Variants in COL26A1 observed in about 807,000 individuals in gnomAD.
The protein encoded by COL26A1 is collagen type XXVI alpha 1 chain, also known as collagen alpha-1(XXVI) chain.
Under a neutral mutation model 59.3 loss-of-function variants are expected in COL26A1, and 41 were observed. The observed-to-expected ratio is 0.69, with a 90% CI of 0.54 to 0.90. The LOEUF is 0.90. Ranked by LOEUF, COL26A1 falls within the 40% of genes least tolerant of loss-of-function variation. COL26A1 has a pLI of 0.00. For missense variants in COL26A1, 612 were observed against 602.3 expected, an observed-to-expected ratio of 1.02 and a Z score of -0.17; for synonymous variants, 266 against 256.0, an observed-to-expected ratio of 1.04 and a Z score of -0.37.
At chr7:101,547,291 G>C (rs1795758525) in intron 8 of COL26A1, 52 bp downstream of exon 8, 1 of 1,352,894 alleles carries the variant, frequency 7.4e-7, no homozygotes, top group African/African-American at 1.5e-5. Flanking sequence ...CCCCAGGGCT[G>C]GCCTGAGCCA....
chr7:101,373,295 C>T (rs909009926), intron 1 of COL26A1, among the ~76,000 whole-genome samples: 5 of 152,200 alleles, frequency 3.3e-5, no homozygotes, highest in African/African-American at 1.2e-4. Context: ...TGGCTGTCTC[C>T]AGTGCCTGGG....
At chr7:101,370,917 G>A (rs1291274989) in intron 1 of COL26A1, among the ~76,000 whole-genome samples, 2 of 152,066 alleles carry the variant, frequency 1.3e-5, no homozygotes, top group African/African-American at 4.8e-5. Flanking sequence ...TGTGATTTGT[G>A]GGTAGCCCCT....
intron 3 of COL26A1, among the ~76,000 whole-genome samples, chr7:101,519,414 G>A (rs55641664): frequency 0.25 from 37,982 of 151,986 alleles, 4,841 homozygotes; most frequent in African/African-American, 0.29. Context: ...GGGCTCAAGC[G>A]ATCATTCCAC....
intron 5 of COL26A1, among the ~76,000 whole-genome samples, chr7:101,543,574 C>T (rs1011392419): frequency 3.3e-5 from 5 of 152,162 alleles, no homozygotes; most frequent in Non-Finnish European, 7.3e-5. Flanking sequence ...ATCCATCCTT[C>T]AGGACCTCCT....
chr7:101,434,895 C>T (rs926173046), intron 2 of COL26A1, among the ~76,000 whole-genome samples: 3 of 77,128 alleles, frequency 3.9e-5, no homozygotes, highest in Admixed American at 1.3e-4. Context: ...AGGGTTGATG[C>T]GGGGAGGACA....
rs1404147011 is a variant in COL26A1, at chr7:101,555,857, T to C, written c.1151T>C (p.Met384Thr). ...GAGCGAGTCCTCATCCTGGAGCACA[T>C]GATTGGGATCCACGGTGAGCAGTGA... is the stretch of plus-strand genomic sequence containing the variant. ...LAERVLILEHMIGIHDPLASP... is the reference protein window; with the variant it reads ...LAERVLILEHTIGIHDPLASP... The change falls in exon 12 of 13, where the codon ATG becomes ACG. Residue 384 changes from methionine (M) to threonine (T), a missense_variant. Physicochemically the swap from Met to Thr is moderately conservative, Grantham distance 81. Coordinates refer to ENST00000313669, the MANE Select transcript of COL26A1 (RefSeq NM_001278563.3). 8 of 1,609,862 alleles carry C rather than the reference T, an allele frequency of 5.0e-6. No individual in the cohort carries two copies. The highest frequency in any genetic ancestry group is 5.9e-6 in the Non-Finnish European group (7 of 1,178,338).
chr7:101,421,950 G>A (rs1792531609), intron 2 of COL26A1, among the ~76,000 whole-genome samples: 1 of 152,104 alleles, frequency 6.6e-6, no homozygotes, highest in Non-Finnish European at 1.5e-5. Context: ...CAAGTGTTTT[G>A]ATACAGGTCA....
intron 8 of COL26A1, among the ~76,000 whole-genome samples, chr7:101,548,683 G>A (rs1051041491): frequency 1.3e-5 from 2 of 152,016 alleles, no homozygotes; most frequent in Non-Finnish European, 2.9e-5. Flanking sequence ...GGAAGGGGCC[G>A]GGCTGAGGAC....
intron 1 of COL26A1, among the ~76,000 whole-genome samples, chr7:101,366,453 A>C (rs1791048133): frequency 9.2e-6 from 1 of 108,778 alleles, no homozygotes; most frequent in Non-Finnish European, 2.1e-5. Context: ...TTTCATTGTT[A>C]CTGCTCCTTG....
chr7:101,512,850 T>C (rs181786251), intron 3 of COL26A1, among the ~76,000 whole-genome samples: 32 of 152,274 alleles, frequency 2.1e-4, no homozygotes, highest in Non-Finnish European at 3.8e-4. Flanking sequence ...ATAATAGAGT[T>C]TGATGAACTT....
At chr7:101,385,367 GTATATATA>G (rs373941775) in intron 1 of COL26A1, among the ~76,000 whole-genome samples, 1 of 137,022 alleles carries the variant, frequency 7.3e-6, no homozygotes, top group Non-Finnish European at 1.6e-5. Flanking sequence ...ATATATGTGT[GTATATATA>G]TATATATATA....
intron 3 of COL26A1, among the ~76,000 whole-genome samples, chr7:101,474,725 C>T (rs942183384): frequency 1.3e-5 from 2 of 152,216 alleles, no homozygotes; most frequent in Admixed American, 1.3e-4. Flanking sequence ...ATAGTTAATA[C>T]CCCTGTGACA....
At chr7:101,447,857 C>A in intron 3 of COL26A1, 70 bp downstream of exon 3, 1 of 907,838 alleles carries the variant, frequency 1.1e-6, no homozygotes, top group Non-Finnish European at 1.8e-6. Flanking sequence ...CCTTCTCTGG[C>A]CTCCTCCTGC....
At chr7:101,481,845 T>C (rs1167963451) in intron 3 of COL26A1, among the ~76,000 whole-genome samples, 1 of 152,184 alleles carries the variant, frequency 6.6e-6, no homozygotes, top group Non-Finnish European at 1.5e-5. Context: ...GGTATCTTTT[T>C]AACCTTCTTA....
intron 1 of COL26A1, among the ~76,000 whole-genome samples, chr7:101,375,528 T>A (rs186057267): frequency 1.3e-5 from 2 of 151,528 alleles, no homozygotes; most frequent in East Asian, 3.9e-4. Flanking sequence ...AAATCCCCTG[T>A]CTACAAAAAA....
chr7:101,453,793 G>T (rs1421882106), intron 3 of COL26A1, among the ~76,000 whole-genome samples: 3 of 152,082 alleles, frequency 2.0e-5, no homozygotes, highest in African/African-American at 4.8e-5. Flanking sequence ...CTAAATCAAG[G>T]CCATGCCCAT....
At chr7:101,548,860 A>G (rs1795800379) in intron 8 of COL26A1, among the ~76,000 whole-genome samples, 1 of 152,064 alleles carries the variant, frequency 6.6e-6, no homozygotes, top group Non-Finnish European at 1.5e-5. Flanking sequence ...CAGGGGACCA[A>G]CTGGCTGGGG....
At chr7:101,442,576 A>G (rs1163502041) in intron 2 of COL26A1, among the ~76,000 whole-genome samples, 1 of 152,188 alleles carries the variant, frequency 6.6e-6, no homozygotes, top group Non-Finnish European at 1.5e-5. Context: ...GCCACATCAT[A>G]TAGGGTTAAA....
At position 101,539,796 on chromosome 7, in the gene COL26A1, A is replaced by G. The variant is rs1253580203; in HGVS notation, c.448-97A>G. 4.0e-6 allele frequency: 5 copies of G among 1,242,452 alleles called. No homozygotes were observed. The East Asian group carries it at 1.3e-4, about 33-fold the overall frequency. The allele number at this position is 1,242,452 out of a possible 1,614,324, so 77.0% of individuals were successfully genotyped here. A position where few individuals can be genotyped will look rare whatever the true frequency, so the allele number is the denominator to read the frequency against. On this transcript the variant is annotated intron_variant, in intron 4 of 12. Transcript: ENST00000313669. ...GGGCACACACAGCGTGGACAGCTGC[A>G]GGTCTCATGGGGTGCACATGCATGT...
Sources: allele counts gnomAD v4.1 joint callset (sites outside exome capture counted in the v4.1 genomes callset), GRCh38; gene constraint gnomAD v4.1.1; transcripts MANE v1.5; gene names NCBI Gene and HGNC (gene_info 2026-07-23, HGNC 2026-07-21).